DSCAM: variants seen among roughly 807,000 people sequenced by gnomAD.
DSCAM encodes cell adhesion molecule DSCAM.
A neutral mutation model predicts 217.7 loss-of-function variants in DSCAM; 47 were observed. That is an observed-to-expected ratio of 0.22 (90% CI 0.17 to 0.28). The LOEUF (loss-of-function observed/expected upper bound fraction) is 0.28. Ranked by LOEUF, DSCAM falls within the 10% of genes least tolerant of loss-of-function variation. The pLI, the probability that DSCAM is intolerant of heterozygous loss-of-function variation, is 1.00. For missense variants in DSCAM, 2,080 were observed against 2,618.3 expected (o/e 0.79, Z 4.49); for synonymous variants, 1,056 against 1,015.3 (o/e 1.04, Z -0.76).
At chr21:40,123,637 A>G (rs2090058817) in intron 20 of DSCAM, among the ~76,000 whole-genome samples, 1 of 152,346 alleles carries the variant, frequency 6.6e-6, no homozygotes, top group Middle Eastern at 3.4e-3. Flanking sequence ...TTCCTTCACA[A>G]TGAACCAGGC....
rs2090749829 is a variant in DSCAM, at chr21:40,177,824, A to G, written c.2947+1103T>C. Among the ~76,000 whole-genome samples the G allele has an allele frequency of 2.0e-5, 3 of 152,210 alleles. 1 individual carries two copies. The highest frequency in any genetic ancestry group is 4.1e-4 in the South Asian group (2 of 4,826). On this transcript the variant is annotated intron_variant, in intron 15 of 32. Transcript: ENST00000400454. ...GGGATGCTGTTAATGAGGGTAGCAG[A>G]GATGAGGTGGTGGGAAGGAAGCCAA...
chr21:40,238,500 C>T (rs777808939), intron 11 of DSCAM, among the ~76,000 whole-genome samples: 4 of 152,172 alleles, frequency 2.6e-5, no homozygotes, highest in African/African-American at 4.8e-5. Flanking sequence ...AGGTGTTCAC[C>T]GCTAAACTCC....
chr21:40,104,713 T>C (rs186086401), intron 20 of DSCAM, among the ~76,000 whole-genome samples: 186 of 152,272 alleles, frequency 1.2e-3, no homozygotes, highest in African/African-American at 4.3e-3. Context: ...CTAATAATGA[T>C]GTGTCAATGT....
chr21:40,364,429 C>G (rs1197925515), intron 4 of DSCAM, among the ~76,000 whole-genome samples: 1 of 145,666 alleles, frequency 6.9e-6, no homozygotes, highest in African/African-American at 2.5e-5. Flanking sequence ...GTCGCAAGGA[C>G]AAAAAACCAA....
At chr21:40,151,506 G>A (rs73225242) in intron 16 of DSCAM, among the ~76,000 whole-genome samples, 6,740 of 152,222 alleles carry the variant, frequency 0.044, 200 homozygotes, top group African/African-American at 0.077. Context: ...TCTAAATCGG[G>A]GCTTCAACAC....
intron 3 of DSCAM, among the ~76,000 whole-genome samples, chr21:40,502,422 G>C (rs1428631490): frequency 1.3e-5 from 2 of 152,058 alleles, no homozygotes; most frequent in Admixed American, 1.3e-4. Context: ...AGAATACCAA[G>C]GTATTATCTA....
intron 3 of DSCAM, among the ~76,000 whole-genome samples, chr21:40,596,024 C>T (rs1034820997): frequency 2.0e-5 from 3 of 152,124 alleles, no homozygotes; most frequent in Non-Finnish European, 2.9e-5. Context: ...TTTTCCTTTG[C>T]GCAAGAACTA....
chr21:40,578,662 A>G lies in DSCAM; in HGVS notation c.508+114148T>C, dbSNP rs550803723. 2.6e-5 allele frequency among the ~76,000 whole-genome samples: 4 copies of G among 152,176 alleles called. No homozygotes were observed. In the South Asian group the frequency reaches 8.3e-4, roughly 32 times the overall value. ...TTCACAATAAATCTTGCTGCCACTCACTTTTTGGGTCCACACTACCTTTAT... is the reference window on the plus strand; with the variant it reads ...TTCACAATAAATCTTGCTGCCACTCGCTTTTTGGGTCCACACTACCTTTAT... On this transcript the variant is annotated intron_variant, in intron 3 of 32. Coordinates refer to ENST00000400454, the MANE Select transcript of DSCAM (RefSeq NM_001389.5).
At chr21:40,754,815 T>C (rs980152494) in intron 1 of DSCAM, among the ~76,000 whole-genome samples, 1 of 152,350 alleles carries the variant, frequency 6.6e-6, no homozygotes, top group South Asian at 2.1e-4. Flanking sequence ...ACGGAGTTGA[T>C]GGCAGCCATT....
intron 3 of DSCAM, among the ~76,000 whole-genome samples, chr21:40,503,229 T>A (rs2076183602): frequency 6.6e-6 from 1 of 152,174 alleles, no homozygotes; most frequent in Admixed American, 6.6e-5. Context: ...CAAAGAGCGC[T>A]CCACCGACCT....
intron 3 of DSCAM, among the ~76,000 whole-genome samples, chr21:40,654,850 T>C (rs1050424949): frequency 1.3e-5 from 2 of 152,158 alleles, no homozygotes; most frequent in African/African-American, 2.4e-5. Flanking sequence ...TTTTGCCATG[T>C]AAGGTGAAAT....
At chr21:40,795,839 T>C (rs543590817) in intron 1 of DSCAM, among the ~76,000 whole-genome samples, 14 of 152,296 alleles carry the variant, frequency 9.2e-5, no homozygotes, top group African/African-American at 3.1e-4. Flanking sequence ...GATGATCTGA[T>C]TGTTTGGTAT....
chr21:40,647,428 C>T (rs1288765752), intron 3 of DSCAM, among the ~76,000 whole-genome samples: 2 of 152,108 alleles, frequency 1.3e-5, no homozygotes, highest in Non-Finnish European at 2.9e-5. Flanking sequence ...ACATCAATCC[C>T]AGACTAAGAA....
chr21:40,575,215 C>CT (rs398121653), intron 3 of DSCAM, among the ~76,000 whole-genome samples: 1 of 151,324 alleles, frequency 6.6e-6, no homozygotes, highest in Non-Finnish European at 1.5e-5. Context: ...CTGTGACCCC[C>CT]ACTCCGGCCC....
chr21:40,714,797 G>A (rs929733254), intron 1 of DSCAM, among the ~76,000 whole-genome samples: 2 of 152,160 alleles, frequency 1.3e-5, no homozygotes, highest in Non-Finnish European at 2.9e-5. Context: ...TATGTTAGAA[G>A]TTTCAGGAGG....
chr21:40,811,246 T>C (rs577881306), intron 1 of DSCAM, among the ~76,000 whole-genome samples: 1 of 152,308 alleles, frequency 6.6e-6, no homozygotes, highest in South Asian at 2.1e-4. Context: ...GATATTTAAA[T>C]ACAAACAGAC....
At chr21:40,087,526 C>T (rs1257463757) in intron 21 of DSCAM, among the ~76,000 whole-genome samples, 1 of 152,178 alleles carries the variant, frequency 6.6e-6, no homozygotes, top group Non-Finnish European at 1.5e-5. Flanking sequence ...CATGAGGAGT[C>T]CAAATTAAAT....
intron 20 of DSCAM, among the ~76,000 whole-genome samples, chr21:40,117,354 G>C (rs2089982978): frequency 6.6e-6 from 1 of 152,184 alleles, no homozygotes; most frequent in Non-Finnish European, 1.5e-5. Flanking sequence ...TTGAAAGTCA[G>C]TGCTGGGAGT....
chr21:40,398,738 G>A (rs950282802), intron 3 of DSCAM, among the ~76,000 whole-genome samples: 9 of 150,388 alleles, frequency 6.0e-5, no homozygotes, highest in Middle Eastern at 3.5e-3. Context: ...GGGTTCAAGC[G>A]ATTCTACTGC....
Sources: allele counts gnomAD v4.1 joint callset (sites outside exome capture counted in the v4.1 genomes callset), GRCh38; gene constraint gnomAD v4.1.1; transcripts MANE v1.5; gene names NCBI Gene and HGNC (gene_info 2026-07-23, HGNC 2026-07-21).